Variants in NCKAP5 observed in about 807,000 individuals in gnomAD.
NCKAP5 encodes the protein nck-associated protein 5.
A neutral mutation model predicts 167.0 loss-of-function variants in NCKAP5; 92 were observed. That is an observed-to-expected ratio of 0.55 (90% CI 0.47 to 0.66). The LOEUF is 0.66. Ranked by LOEUF, NCKAP5 falls within the 30% of genes least tolerant of loss-of-function variation. The pLI is 0.00. For synonymous variants in NCKAP5, 891 were observed against 877.4 expected (o/e 1.02, Z -0.27); for missense variants, 2,378 against 2,315.0 (o/e 1.03, Z -0.56).
chr2:132,749,077 G>A lies in NCKAP5; in HGVS notation c.5129-17026C>T, dbSNP rs1006606563. On this transcript the variant is annotated intron_variant, in intron 16 of 19. Coordinates refer to ENST00000409261, the MANE Select transcript of NCKAP5 (RefSeq NM_207363.3). Reference sequence around the variant, plus strand: ...AGCCATCATGCCCAGCCGAAGTCGAGACTTTTTGTCAGCACTTCCTTTCTA... The same window carrying A: ...AGCCATCATGCCCAGCCGAAGTCGAAACTTTTTGTCAGCACTTCCTTTCTA... Among the ~76,000 whole-genome samples the A allele has an allele frequency of 1.4e-4, 22 of 152,144 alleles. 1 individual carries two copies. Among genetic ancestry groups the A allele is most frequent in the East Asian group, 9.7e-4 (5 of 5,160 alleles).
chr2:133,135,290 G>C (rs1036043678), intron 5 of NCKAP5, among the ~76,000 whole-genome samples: 1 of 152,206 alleles, frequency 6.6e-6, no homozygotes, highest in African/African-American at 2.4e-5. Context: ...AGCACTGCAG[G>C]CAGAGGGAGA....
intron 3 of NCKAP5, among the ~76,000 whole-genome samples, chr2:133,468,174 T>C (rs1349125533): frequency 7.2e-6 from 1 of 138,110 alleles, no homozygotes; most frequent in Non-Finnish European, 1.5e-5. Flanking sequence ...CTCTACATAC[T>C]GCTTTGAATG....
chr2:133,473,190 G>T (rs1182502104), intron 3 of NCKAP5, among the ~76,000 whole-genome samples: 2 of 152,096 alleles, frequency 1.3e-5, no homozygotes, highest in Admixed American at 6.5e-5. Context: ...AAATTAGCCA[G>T]GCCTAGTGGC....
At chr2:133,229,003 A>G (rs2087019855) in intron 4 of NCKAP5, among the ~76,000 whole-genome samples, 1 of 152,208 alleles carries the variant, frequency 6.6e-6, no homozygotes, top group Non-Finnish European at 1.5e-5. Context: ...ATCTTAAGAG[A>G]GGTGAAATGA....
rs115451218 is a variant in NCKAP5, at chr2:133,158,459, A to C, written c.208-28348T>G. Among the ~76,000 whole-genome samples the C allele has an allele frequency of 6.2e-3, 943 of 152,296 alleles. 11 individuals carry two copies. The highest frequency in any genetic ancestry group is 0.021 in the African/African-American group (890 of 41,560). On this transcript the variant is annotated intron_variant, in intron 5 of 19. Coordinates refer to ENST00000409261, the MANE Select transcript of NCKAP5 (RefSeq NM_207363.3). ...AAACTCACTTTGAATTATGATTTAA[A>C]ATCCATTGTGCTGCATTCATTCACT...
chr2:133,471,348 A>C (rs1679284000), intron 3 of NCKAP5, among the ~76,000 whole-genome samples: 1 of 148,916 alleles, frequency 6.7e-6, no homozygotes, highest in Non-Finnish European at 1.5e-5. Flanking sequence ...TAAAATTGGT[A>C]ATTTAAGTGC....
intron 5 of NCKAP5, among the ~76,000 whole-genome samples, chr2:133,155,171 G>T (rs1034856680): frequency 6.6e-6 from 1 of 152,142 alleles, no homozygotes; most frequent in Non-Finnish European, 1.5e-5. Context: ...TCAATAATCT[G>T]TTTTCTGCCT....
chr2:133,161,956 T>G (rs537561670), intron 5 of NCKAP5, among the ~76,000 whole-genome samples: 1 of 152,340 alleles, frequency 6.6e-6, no homozygotes, highest in East Asian at 1.9e-4. Flanking sequence ...TTAAACTTTT[T>G]CTAGAAATCC....
chr2:132,840,611 T>C (rs1688232840), intron 11 of NCKAP5, among the ~76,000 whole-genome samples: 1 of 152,120 alleles, frequency 6.6e-6, no homozygotes, highest in Non-Finnish European at 1.5e-5. Flanking sequence ...TAGGAATACT[T>C]GAGCTCACCA....
chr2:133,164,125 C>T (rs183711540), intron 5 of NCKAP5, among the ~76,000 whole-genome samples: 1 of 152,274 alleles, frequency 6.6e-6, no homozygotes, highest in Admixed American at 6.5e-5. Flanking sequence ...AAACAGTTCA[C>T]TGTGTACAGG....
rs534188327 is a variant in NCKAP5 at position 132,859,131 on chromosome 2, A to G, written c.807+1361T>C. On this transcript the variant is annotated intron_variant, in intron 11 of 19. Transcript: ENST00000409261. Reference sequence around the variant, plus strand: ...TAGATGACTTCGCTCCCACCCCACAAAATTTTTGAGTCATAAATTATGAAT... The same window carrying G: ...TAGATGACTTCGCTCCCACCCCACAGAATTTTTGAGTCATAAATTATGAAT... Among the ~76,000 whole-genome samples the G allele has an allele frequency of 6.6e-5, 10 of 152,330 alleles. No individual in the cohort carries two copies. In the South Asian group the frequency reaches 2.1e-3, roughly 32 times the overall value.
chr2:132,765,171 AG>A (rs1681344886), intron 16 of NCKAP5, among the ~76,000 whole-genome samples: 2 of 152,242 alleles, frequency 1.3e-5, no homozygotes, highest in African/African-American at 2.4e-5. Flanking sequence ...TTTCTCAAAA[AG>A]TTACTCAAGG....
At chr2:133,407,164 C>G (rs1688491460) in intron 3 of NCKAP5, among the ~76,000 whole-genome samples, 1 of 152,154 alleles carries the variant, frequency 6.6e-6, no homozygotes, top group Non-Finnish European at 1.5e-5. Flanking sequence ...AATGAGGGCT[C>G]CAGGAATTTC....
chr2:132,696,888 T>C (rs1299659505), intron 19 of NCKAP5, among the ~76,000 whole-genome samples: 1 of 152,150 alleles, frequency 6.6e-6, no homozygotes, highest in Non-Finnish European at 1.5e-5. Flanking sequence ...CTTATTCTTC[T>C]TTTTTATTTG....
At chr2:133,552,598 G>T (rs1403101396) in intron 2 of NCKAP5, among the ~76,000 whole-genome samples, 1 of 125,226 alleles carries the variant, frequency 8.0e-6, no homozygotes, top group African/African-American at 3.0e-5. Flanking sequence ...ACTGTGGTGG[G>T]GTGGGGGGAG....
chr2:133,354,998 A>G (rs1018518150), intron 3 of NCKAP5, among the ~76,000 whole-genome samples: 15 of 152,250 alleles, frequency 9.9e-5, no homozygotes, highest in African/African-American at 3.6e-4. Flanking sequence ...TGTATTTAAA[A>G]TACTCATTTG....
At chr2:132,835,971 T>C (rs530336957) in intron 11 of NCKAP5, among the ~76,000 whole-genome samples, 3 of 152,172 alleles carry the variant, frequency 2.0e-5, no homozygotes, top group African/African-American at 7.2e-5. Flanking sequence ...TCTAAAAATA[T>C]ACTTGGATTA....
chr2:132,950,338 C>A (rs1171220352), intron 8 of NCKAP5, among the ~76,000 whole-genome samples: 2 of 152,046 alleles, frequency 1.3e-5, no homozygotes, highest in South Asian at 4.1e-4. Context: ...TTCAATATTA[C>A]ATAAATGTTA....
intron 19 of NCKAP5, among the ~76,000 whole-genome samples, chr2:132,696,160 G>C (rs2105191154): frequency 6.6e-6 from 1 of 152,274 alleles, no homozygotes; most frequent in East Asian, 1.9e-4. Context: ...CATTACCTTT[G>C]TATGCAAAAA....
Sources: allele counts gnomAD v4.1 joint callset (sites outside exome capture counted in the v4.1 genomes callset), GRCh38; gene constraint gnomAD v4.1.1; transcripts MANE v1.5; gene names NCBI Gene and HGNC (gene_info 2026-07-23, HGNC 2026-07-21).